BBS10: variants seen among roughly 807,000 people sequenced by gnomAD.
BBS10 encodes BBSome complex assembly protein BBS10.
In BBS10, 13 loss-of-function variants were observed where a neutral mutation model predicts 12.7. That is an observed-to-expected ratio of 1.03 (90% confidence interval 0.67 to 1.63). The LOEUF is 1.63. BBS10 is among the 40% of genes most tolerant of loss of function. BBS10 has a pLI of 0.00. For missense variants in BBS10, 858 were observed against 858.0 expected, an observed-to-expected ratio of 1.00 and a Z score of 0.00; for synonymous variants, 294 against 304.8, an observed-to-expected ratio of 0.96 and a Z score of 0.37.
In BBS10 at chr12:76,345,355, T is replaced by C. The variant is rs1951750255; in HGVS notation, c.*458A>G. The C allele has an allele frequency of 6.5e-6, 1 of 154,028 alleles. No individual in the cohort carries two copies. Among genetic ancestry groups the C allele is most frequent in the African/African-American group, 2.4e-5 (1 of 41,468 alleles). The allele number at this position is 154,028 out of a possible 1,614,324, so 9.5% of individuals were successfully genotyped here. A position where few individuals can be genotyped will look rare whatever the true frequency, so the allele number is the denominator to read the frequency against. Reference sequence around the variant, plus strand: ...ATAATTTGAGCCTTTTACTCAGCTTTACAAAGTATGAGTAGGGAAAATTAA... The same window carrying C: ...ATAATTTGAGCCTTTTACTCAGCTTCACAAAGTATGAGTAGGGAAAATTAA... On this transcript the variant is annotated 3_prime_UTR_variant, in exon 2 of 2. Transcript: ENST00000650064.
At position 76,347,561 on chromosome 12, in the gene BBS10, C is replaced by T. The variant is rs142863601; in HGVS notation, c.424G>A (p.Asp142Asn). The part of the protein sequence containing the change: ...ALLTFQTQIL[D>N]GIMDQYLSRH... ...CTTAGGTACTGGTCCATAATACCGT[C>T]TAATATTTGTGTCTGAAACGTTAGG... Residue 142 changes from aspartate (D) to asparagine (N), a missense_variant, in exon 2 of 2, where the codon GAC (aspartate) becomes AAC (asparagine). Physicochemically the swap from Asp to Asn is conservative, Grantham distance 23. Transcript: ENST00000650064. 0.01 allele frequency: 16,206 copies of T among 1,613,632 alleles called. 109 individuals are homozygous for T. Among genetic ancestry groups the T allele is most frequent in the Non-Finnish European group, 0.012 (14,532 of 1,179,966 alleles).
chr12:76,346,032 C>T lies in BBS10; in HGVS notation c.1953G>A (p.Lys651=), dbSNP rs1382449102. 1 of 1,613,950 alleles carries T rather than the reference C, an allele frequency of 6.2e-7. No individual in the cohort carries two copies. Among genetic ancestry groups the T allele is most frequent in the Non-Finnish European group, 8.5e-7 (1 of 1,179,920 alleles). ...PKVLYKSKTG[K]YSFPHTYIRA... ...TTATATATGTATGTGGAAAGCTGTA[C>T]TTTCCTGTTTTAGATTTATAAAGGA... The change falls in exon 2 of 2, where the codon AAG becomes AAA. Residue 651 remains lysine, a synonymous_variant. Transcript: ENST00000650064.
Position 76,346,375 on chromosome 12 carries a change from T to G in BBS10, c.1610A>C (p.Tyr537Ser). The G allele has an allele frequency of 6.2e-7, 1 of 1,614,070 alleles. No individual in the cohort carries two copies. Among genetic ancestry groups the G allele is most frequent in the Non-Finnish European group, 8.5e-7 (1 of 1,179,908 alleles). The change falls in exon 2 of 2, where the codon TAT becomes TCT. Residue 537 changes from tyrosine to serine, a missense_variant. Coordinates refer to ENST00000650064, the MANE Select transcript of BBS10 (RefSeq NM_024685.4). ...GGAATTGTTCTTGAGTAATGGTTCA[T>G]AATAATCAGTTAGCCTGTTTCTTTC... ...SLERNRLTDY[Y>S]EPLLKNNSTA...
chr12:76,344,772 C>A lies in BBS10; in HGVS notation c.*1041G>T, dbSNP rs1184051032. ...AGATAACACTGTTTTGTTCAACAAG[C>A]ACTTCTGAATACTTGGAGTAAATAC... On this transcript the variant is annotated 3_prime_UTR_variant, in exon 2 of 2. Transcript: ENST00000650064. 6.6e-6 allele frequency: 1 copy of A among 152,042 alleles called. No homozygotes were observed. Among genetic ancestry groups the A allele is most frequent in the Non-Finnish European group, 1.5e-5 (1 of 67,970 alleles). The allele number at this position is 152,042 out of a possible 1,614,324, so 9.4% of individuals were successfully genotyped here.
intron 1 of BBS10, 86 bp from the exon 2 acceptor site, chr12:76,347,873 A>C: frequency 7.2e-7 from 1 of 1,393,582 alleles, no homozygotes; most frequent in Non-Finnish European, 9.9e-7. Context: ...CATAAGCATA[A>C]AATGAGAATA....
At position 76,344,485 on chromosome 12, in the gene BBS10, T is replaced by C. The variant is rs993443025; in HGVS notation, c.*1328A>G. ...AATGAAAAAAATTATGCAGCAGTTTTAAAGTTCATTCATCCATGAATTCAG... is the reference window on the plus strand; with the variant it reads ...AATGAAAAAAATTATGCAGCAGTTTCAAAGTTCATTCATCCATGAATTCAG... On this transcript the variant is annotated 3_prime_UTR_variant, in exon 2 of 2. Coordinates refer to ENST00000650064, the MANE Select transcript of BBS10 (RefSeq NM_024685.4). 3 of 152,272 alleles carry C rather than the reference T, an allele frequency of 2.0e-5. No homozygotes were observed. The South Asian group carries it at 6.2e-4, about 32-fold the overall frequency. The allele number at this position is 152,272 out of a possible 1,614,324, so 9.4% of individuals were successfully genotyped here. A position where few individuals can be genotyped will look rare whatever the true frequency, so the allele number is the denominator to read the frequency against.
At position 76,345,705 on chromosome 12, in the gene BBS10, AC is replaced by A; in HGVS notation, c.*107del. 1.0e-6 allele frequency: 1 copy of A among 986,326 alleles called. No individual in the cohort carries two copies. The highest frequency in any genetic ancestry group is 1.6e-6 in the Non-Finnish European group (1 of 637,708). 61.1% of individuals were successfully genotyped at this position (986,326 alleles called of 1,614,324 possible). A position where few individuals can be genotyped will look rare whatever the true frequency, so the allele number is the denominator to read the frequency against. On this transcript the variant is annotated 3_prime_UTR_variant, in exon 2 of 2. Transcript: ENST00000650064. ...GCTTCTTCTAAAGACTTTTAAAGTTACGCTATTTTCCTAAGTAGACTGAACT... is the reference window on the plus strand; with the variant it reads ...GCTTCTTCTAAAGACTTTTAAAGTTAGCTATTTTCCTAAGTAGACTGAACT...
In BBS10 at chr12:76,345,809, G is replaced by T. The variant is rs772482454; in HGVS notation, c.*4C>A. ...AAAGTTTGGTTAATTAAAAACTTCT[G>T]ATGTTATAGTTCATCTTCTGAATCT... On this transcript the variant is annotated 3_prime_UTR_variant, in exon 2 of 2. Coordinates refer to ENST00000650064, the MANE Select transcript of BBS10 (RefSeq NM_024685.4). The T allele has an allele frequency of 2.3e-5, 37 of 1,612,064 alleles. No individual in the cohort carries two copies. The East Asian group carries it at 8.0e-4, about 35-fold the overall frequency.
rs1307181313 is a variant in BBS10, at chr12:76,347,207, C to T, written c.778G>A (p.Val260Ile). The T allele has an allele frequency of 6.2e-7, 1 of 1,611,680 alleles. No homozygotes were observed. Among genetic ancestry groups the T allele is most frequent in the Non-Finnish European group, 8.5e-7 (1 of 1,179,976 alleles). ...AAAAGAGGCTGAATGGTTTCTGTTA[C>T]TATCACCATTCGCATGTCACCATCT... ...PADGDMRMVI[V>I]TETIQPLFST... Residue 260 changes from valine (V) to isoleucine (I), a missense_variant, in exon 2 of 2, where the codon GTA becomes ATA. Transcript: ENST00000650064.
In BBS10 at chr12:76,347,422, T is replaced by A. The variant is rs1239540905; in HGVS notation, c.563A>T (p.Lys188Ile). ...FCGRVGRNNH[K>I]FISQLMCDYF... ...GTCACACATCAACTGTGAAATAAAT[T>A]TATGATTATTTCTTCCCACTCTTCC... Residue 188 changes from lysine (K) to isoleucine (I), a missense_variant, in exon 2 of 2, where the codon AAA (lysine) becomes ATA (isoleucine). By Grantham distance (102) the Lys-to-Ile change is moderately radical. Coordinates refer to ENST00000650064, the MANE Select transcript of BBS10 (RefSeq NM_024685.4). The A allele has an allele frequency of 1.1e-5, 17 of 1,613,868 alleles. No individual in the cohort carries two copies. Among genetic ancestry groups the A allele is most frequent in the Non-Finnish European group, 1.4e-5 (17 of 1,179,940 alleles).
chr12:76,346,494 A>G lies in BBS10; in HGVS notation c.1491T>C (p.Asp497=). The part of the protein sequence containing the change: ...LKVHSNLVIP[D]VELETYIPYS... Reference sequence around the variant, plus strand: ...ACGGAATATATGTTTCTAATTCTACATCTGGAATTACCAAATTAGAATGTA... The same window carrying G: ...ACGGAATATATGTTTCTAATTCTACGTCTGGAATTACCAAATTAGAATGTA... Residue 497 remains aspartate (D), a synonymous_variant, in exon 2 of 2, where the codon GAT becomes GAC. Transcript: ENST00000650064. 6.2e-7 allele frequency: 1 copy of G among 1,614,076 alleles called. No homozygotes were observed. Among genetic ancestry groups the G allele is most frequent in the Non-Finnish European group, 8.5e-7 (1 of 1,179,932 alleles).
chr12:76,347,493 T>A lies in BBS10; in HGVS notation c.492A>T (p.Thr164=), dbSNP rs1384915210. The A allele has an allele frequency of 6.2e-7, 1 of 1,613,868 alleles. No homozygotes were observed. Among genetic ancestry groups the A allele is most frequent in the African/African-American group, 1.3e-5 (1 of 75,046 alleles). The part of the protein sequence containing the change: ...LSIFSSAKER[T]LCRSSLELLL... ...GCAACTCTAAAGAGCTCCTACACAA[T>A]GTTCTCTCTTTAGCAGACGAAAAGA... Residue 164 remains threonine (T), a synonymous_variant, in exon 2 of 2, where the codon ACA becomes ACT. Transcript: ENST00000650064.
chr12:76,346,098 A>T lies in BBS10; in HGVS notation c.1887T>A (p.Val629=). The change falls in exon 2 of 2, where the codon GTT becomes GTA. Residue 629 remains valine (V), a synonymous_variant. Coordinates refer to ENST00000650064, the MANE Select transcript of BBS10 (RefSeq NM_024685.4). ...AAAGTGCATTAGCTATTATCATACT[A>T]ACCATGGTTTCTTCTGATTGATGGC... ...KKCHQSEETM[V]SMIIANALLG... 1 of 1,611,534 alleles carries T rather than the reference A, an allele frequency of 6.2e-7. No individual in the cohort carries two copies. Among genetic ancestry groups the T allele is most frequent in the Non-Finnish European group, 8.5e-7 (1 of 1,179,220 alleles).
chr12:76,347,467 A>G lies in BBS10; in HGVS notation c.518T>C (p.Leu173Pro). 1 of 1,613,772 alleles carries G rather than the reference A, an allele frequency of 6.2e-7. No homozygotes were observed. Residue 173 changes from leucine (L) to proline (P), a missense_variant, in exon 2 of 2, where the codon CTC becomes CCC. Leu to Pro is a moderately conservative substitution (Grantham distance 98). Transcript: ENST00000650064. ...RTLCRSSLEL[L>P]LEAYFCGRVG... ...TCTTCCACAAAAGTATGCTTCTAAG[A>G]GCAACTCTAAAGAGCTCCTACACAA...
Position 76,346,980 on chromosome 12 carries a change from T to TTA in BBS10, c.1004_1005insTA (p.Ser336AsnfsTer34). 1 of 1,611,346 alleles carries TTA rather than the reference T, an allele frequency of 6.2e-7. No individual in the cohort carries two copies. Among genetic ancestry groups the TTA allele is most frequent in the Non-Finnish European group, 8.5e-7 (1 of 1,179,986 alleles). On this transcript the variant is annotated frameshift_variant, in exon 2 of 2. Coordinates refer to ENST00000650064, the MANE Select transcript of BBS10 (RefSeq NM_024685.4). LOFTEE classifies it low-confidence loss of function (END_TRUNC). The stretch of plus-strand genomic sequence containing the variant: ...TCCGGATAAGAGAAACTTCTTCTGA[T>TTA]GATAAACACTCAACCACTGATATGC...
At position 76,346,423 on chromosome 12, in the gene BBS10, T is replaced by A; in HGVS notation, c.1562A>T (p.Glu521Val). The A allele has an allele frequency of 6.2e-7, 1 of 1,614,210 alleles. No individual in the cohort carries two copies. The highest frequency in any genetic ancestry group is 8.5e-7 in the Non-Finnish European group (1 of 1,180,002). Residue 521 changes from glutamate (E) to valine (V), a missense_variant, in exon 2 of 2, where the codon GAA becomes GTA. By Grantham distance (121) the Glu-to-Val change is moderately radical. Transcript: ENST00000650064. ...TTCCAAAGACAAACATGTCAGCGTT[T>A]CAACTGTTTGGAATGTATCTGTTGG... is the stretch of plus-strand genomic sequence containing the variant. Reference protein sequence around the residue: ...LTPTDTFQTVETLTCLSLERN... With the variant: ...LTPTDTFQTVVTLTCLSLERN...
In BBS10 at chr12:76,346,796, TAG is replaced by T. The variant is rs1555202636; in HGVS notation, c.1187_1188del (p.Ser396TyrfsTer12). The T allele has an allele frequency of 6.2e-7, 1 of 1,614,152 alleles. No individual in the cohort carries two copies. The highest frequency in any genetic ancestry group is 1.3e-5 in the African/African-American group (1 of 75,058). ...CCATGCACTGGTCCACAAAGAACTA[TAG>T]AGTGTGGTATAAATGCACATGTGCT... ...LISTCAFIPH[S>X]IVLCGPVHGL... On this transcript the variant is annotated frameshift_variant, in exon 2 of 2. Coordinates refer to ENST00000650064, the MANE Select transcript of BBS10 (RefSeq NM_024685.4). LOFTEE classifies it low-confidence loss of function (END_TRUNC).
rs762917447 is a variant in BBS10 at position 76,346,470 on chromosome 12, C to A, written c.1515G>T (p.Pro505=). ...TTGGTGTCAGTGTGGGGGTTGAATA[C>A]GGAATATATGTTTCTAATTCTACAT... ...IPDVELETYI[P]YSTPTLTPTD... The change falls in exon 2 of 2, where the codon CCG becomes CCT. Residue 505 remains proline (P), a synonymous_variant. Coordinates refer to ENST00000650064, the MANE Select transcript of BBS10 (RefSeq NM_024685.4). The A allele has an allele frequency of 5.0e-6, 8 of 1,613,918 alleles. No individual in the cohort carries two copies. In the African/African-American group the frequency reaches 5.3e-5, roughly 11 times the overall value.
chr12:76,348,259 G>T lies in BBS10; in HGVS notation c.100C>A (p.Arg34=), dbSNP rs1441956947. 4 of 1,613,364 alleles carry T rather than the reference G, an allele frequency of 2.5e-6. No individual in the cohort carries two copies. The highest frequency in any genetic ancestry group is 3.4e-6 in the Non-Finnish European group (4 of 1,179,652). ...GTGGGCTTCGTACACAAAACTTGCC[G>T]TCCCTCGGGCCCCACGCAGCAGCTC... ...IVSCCVGPEG[R]QVLCTKPTGE... Residue 34 remains arginine (R), a synonymous_variant, in exon 1 of 2, where the codon CGG becomes AGG. Transcript: ENST00000650064.
Sources: allele counts gnomAD v4.1 joint callset, GRCh38; gene constraint gnomAD v4.1.1; transcripts MANE v1.5; gene names NCBI Gene and HGNC (gene_info 2026-07-23, HGNC 2026-07-21).